The following HNRNPC variants were observed in gnomAD, a reference collection of about 807,000 sequenced individuals.
HNRNPC encodes the protein heterogeneous nuclear ribonucleoprotein C, also known as heterogeneous nuclear ribonucleoproteins C1/C2.
Under a neutral mutation model 33.2 loss-of-function variants are expected in HNRNPC, and 3 were observed. That is an observed-to-expected ratio of 0.09 (90% CI 0.04 to 0.23). The LOEUF (loss-of-function observed/expected upper bound fraction) is 0.23, where lower values mean the gene tolerates loss of function less well. HNRNPC is among the 10% of genes least tolerant of loss of function. HNRNPC has a pLI of 1.00. For missense variants in HNRNPC, 143 were observed against 366.7 expected, an observed-to-expected ratio of 0.39 and a Z score of 4.98; for synonymous variants, 121 against 126.7, an observed-to-expected ratio of 0.96 and a Z score of 0.30.
At chr14:21,215,506 G>T (rs763148034) in intron 5 of HNRNPC, among the ~76,000 whole-genome samples, 2 of 152,182 alleles carry the variant, frequency 1.3e-5, no homozygotes, top group African/African-American at 2.4e-5. Context: ...TAGGAGAATT[G>T]TAACTGCACC....
intron 2 of HNRNPC, among the ~76,000 whole-genome samples, chr14:21,256,044 G>A (rs1215564734): frequency 1.3e-5 from 2 of 152,214 alleles, no homozygotes; most frequent in African/African-American, 4.8e-5. Context: ...TATATTAACA[G>A]CAAGGGAAGG....
At chr14:21,225,488 A>G (rs2139581246) in intron 5 of HNRNPC, among the ~76,000 whole-genome samples, 1 of 152,108 alleles carries the variant, frequency 6.6e-6, no homozygotes, top group East Asian at 1.9e-4. Context: ...AAGAGCTGAC[A>G]GTAAATCAGT....
At position 21,214,416 on chromosome 14, in the gene HNRNPC, C is replaced by T. The variant is rs567130275; in HGVS notation, c.366-1299G>A. On this transcript the variant is annotated intron_variant, in intron 5 of 8. Coordinates refer to ENST00000553300, the MANE Select transcript of HNRNPC (RefSeq NM_004500.4). ...TAAAAGTGTTTCCACACTATTTCAACAAAGCAATGTTTAATCTTGTCCCAG... is the reference window on the plus strand; with the variant it reads ...TAAAAGTGTTTCCACACTATTTCAATAAAGCAATGTTTAATCTTGTCCCAG... Among the ~76,000 whole-genome samples the T allele has an allele frequency of 2.2e-4, 34 of 152,204 alleles. 1 individual carries two copies. The highest frequency in any genetic ancestry group is 7.9e-4 in the African/African-American group (33 of 41,552).
intron 2 of HNRNPC, among the ~76,000 whole-genome samples, chr14:21,249,728 C>T (rs1896416873): frequency 6.6e-6 from 1 of 151,984 alleles, no homozygotes; most frequent in South Asian, 2.1e-4. Context: ...ACATTCTCAA[C>T]CTTCACATTT....
At chr14:21,247,105 T>TACCC (rs1896063721) in intron 2 of HNRNPC, among the ~76,000 whole-genome samples, 1 of 152,214 alleles carries the variant, frequency 6.6e-6, no homozygotes, top group African/African-American at 2.4e-5. Context: ...GGTGCCTTAA[T>TACCC]ACCCCTTGTG....
At position 21,211,051 on chromosome 14, in the gene HNRNPC, G is replaced by A; in HGVS notation, c.*172C>T. 1 of 682,022 alleles carries A rather than the reference G, an allele frequency of 1.5e-6. No homozygotes were observed. The highest frequency in any genetic ancestry group is 2.0e-5 in the South Asian group (1 of 50,950). 42.2% of individuals were successfully genotyped at this position (682,022 alleles called of 1,614,324 possible). ...TAGGAGCGTCAAAGGAAGTGAAAAT[G>A]GGACTAGGCGCGGGGCAATATGAAT... is the stretch of plus-strand genomic sequence containing the variant. On this transcript the variant is annotated 3_prime_UTR_variant, in exon 9 of 9. Transcript: ENST00000553300.
At chr14:21,219,274 G>C (rs1267622814) in intron 5 of HNRNPC, among the ~76,000 whole-genome samples, 1 of 152,272 alleles carries the variant, frequency 6.6e-6, no homozygotes, top group East Asian at 1.9e-4. Flanking sequence ...GCATTTCAGA[G>C]AACTGGGAAC....
intron 2 of HNRNPC, among the ~76,000 whole-genome samples, chr14:21,245,424 G>T (rs183569551): frequency 1.3e-5 from 2 of 152,238 alleles, no homozygotes; most frequent in Admixed American, 6.5e-5. Context: ...TTGAACCCGG[G>T]GGGTGGAGGT....
chr14:21,246,611 A>C (rs1473670996), intron 2 of HNRNPC, among the ~76,000 whole-genome samples: 1 of 151,834 alleles, frequency 6.6e-6, no homozygotes, highest in African/African-American at 2.4e-5. Context: ...AAAGTCTGCC[A>C]ATTTCCCTTT....
chr14:21,232,187 G>A (rs1312264132), intron 3 of HNRNPC, among the ~76,000 whole-genome samples: 1 of 151,986 alleles, frequency 6.6e-6, no homozygotes, highest in Non-Finnish European at 1.5e-5. Flanking sequence ...TCTTCTCCTT[G>A]TTCTAAAAAG....
At chr14:21,218,474 T>C (rs918101317) in intron 5 of HNRNPC, among the ~76,000 whole-genome samples, 1 of 148,108 alleles carries the variant, frequency 6.8e-6, no homozygotes, top group African/African-American at 2.5e-5. Flanking sequence ...TTGCCTGAGA[T>C]CATGAGTTAA....
intron 2 of HNRNPC, among the ~76,000 whole-genome samples, chr14:21,251,151 C>T (rs1408134131): frequency 6.7e-6 from 1 of 148,538 alleles, no homozygotes; most frequent in African/African-American, 2.5e-5. Context: ...GTCCTGGCTA[C>T]TCGGGAGGCT....
intron 2 of HNRNPC, among the ~76,000 whole-genome samples, chr14:21,237,103 G>A (rs1894778836): frequency 6.6e-6 from 1 of 152,158 alleles, no homozygotes; most frequent in African/African-American, 2.4e-5. Flanking sequence ...GAGCACAAGG[G>A]ACTTCAATAA....
At chr14:21,249,630 G>C in intron 2 of HNRNPC, among the ~76,000 whole-genome samples, 1 of 149,194 alleles carries the variant, frequency 6.7e-6, no homozygotes, top group Non-Finnish European at 1.5e-5. Context: ...CAATGAATTG[G>C]GTACCTCTAG....
intron 2 of HNRNPC, among the ~76,000 whole-genome samples, chr14:21,243,125 T>C (rs1394237708): frequency 6.6e-6 from 1 of 152,168 alleles, no homozygotes; most frequent in Non-Finnish European, 1.5e-5. Context: ...GGGTGGGCAG[T>C]GTGTGAATTC....
At chr14:21,257,482 T>C (rs1395118570) in intron 2 of HNRNPC, among the ~76,000 whole-genome samples, 2 of 152,084 alleles carry the variant, frequency 1.3e-5, no homozygotes, top group African/African-American at 4.8e-5. Context: ...GCTTAGTTAA[T>C]GCATCCGTCT....
At chr14:21,229,700 C>G (rs1032333306) in intron 5 of HNRNPC, among the ~76,000 whole-genome samples, 2 of 152,198 alleles carry the variant, frequency 1.3e-5, no homozygotes, top group African/African-American at 4.8e-5. Flanking sequence ...ATTCCCCAAT[C>G]AGTAATTTTT....
chr14:21,255,974 A>G (rs1877119768), intron 2 of HNRNPC, among the ~76,000 whole-genome samples: 1 of 152,228 alleles, frequency 6.6e-6, no homozygotes, highest in South Asian at 2.1e-4. Flanking sequence ...AAAGCCCTAA[A>G]GTGGAAACAT....
chr14:21,255,424 T>A (rs1355972290), intron 2 of HNRNPC, among the ~76,000 whole-genome samples: 1 of 152,242 alleles, frequency 6.6e-6, no homozygotes, highest in Non-Finnish European at 1.5e-5. Flanking sequence ...AGAGAATACA[T>A]ATTTTTAAAA....
Sources: gnomAD v4.1 joint callset for allele counts (sites outside exome capture counted in the v4.1 genomes callset) on GRCh38, gnomAD v4.1.1 for gene constraint, MANE v1.5 for transcripts, NCBI Gene and HGNC (gene_info 2026-07-23, HGNC 2026-07-21) for gene names.